Variants in COG6 observed in about 807,000 individuals in gnomAD.
COG6 encodes the protein component of oligomeric golgi complex 6.
In COG6, 74 loss-of-function variants were observed where a neutral mutation model predicts 88.8. That is an observed-to-expected ratio of 0.83 (90% CI 0.69 to 1.01). The LOEUF (loss-of-function observed/expected upper bound fraction) is 1.01. COG6 is among the 50% of genes least tolerant of loss of function. COG6 has a pLI of 0.00. For synonymous variants in COG6, 286 were observed against 278.7 expected (o/e 1.03, Z -0.26); for missense variants, 800 against 797.9 (o/e 1.00, Z -0.03).
chr13:39,775,683 A>C (rs1158845280), intron 18 of COG6, among the ~76,000 whole-genome samples: 1 of 152,214 alleles, frequency 6.6e-6, no homozygotes, highest in East Asian at 1.9e-4. Flanking sequence ...ATTTTAATAC[A>C]ATACCGAAAC....
At position 39,659,507 on chromosome 13, in the gene COG6, G is replaced by C; in HGVS notation, c.297G>C (p.Glu99Asp). The change falls in exon 2 of 19, where the codon GAG (glutamate) becomes GAC (aspartate). Residue 99 changes from glutamate to aspartate, a missense_variant and splice_region_variant. Transcript: ENST00000455146. ...TAAGCATTTTCAAGGAAGTGAAGGA[G>C]GTATGTAAACTCTTTTCATTTAGCA... ...EFVSIFKEVK[E>D]ELESISEDVQ... The C allele has an allele frequency of 6.2e-7, 1 of 1,612,054 alleles. No individual in the cohort carries two copies. The highest frequency in any genetic ancestry group is 8.5e-7 in the Non-Finnish European group (1 of 1,178,836).
intron 4 of COG6, among the ~76,000 whole-genome samples, chr13:39,675,603 G>A (rs1425508425): frequency 6.6e-6 from 1 of 152,000 alleles, no homozygotes; most frequent in Non-Finnish European, 1.5e-5. Flanking sequence ...TTTATCTCAT[G>A]ATTGATTTTT....
At chr13:39,776,586 T>C (rs774784840) in intron 18 of COG6, among the ~76,000 whole-genome samples, 5 of 152,218 alleles carry the variant, frequency 3.3e-5, no homozygotes, top group Admixed American at 2.0e-4. Context: ...TGGGAAAAGA[T>C]GTAACAAATG....
intron 4 of COG6, among the ~76,000 whole-genome samples, chr13:39,672,440 A>C (rs1875706790): frequency 6.6e-6 from 1 of 152,000 alleles, no homozygotes; most frequent in Admixed American, 6.6e-5. Context: ...AGCCTTAGTG[A>C]ACCATTAACC....
chr13:39,681,218 T>G (rs1593420889), intron 7 of COG6, among the ~76,000 whole-genome samples: 1 of 152,360 alleles, frequency 6.6e-6, no homozygotes, highest in East Asian at 1.9e-4. Context: ...TCCTGTACTA[T>G]GCTGCGCAAA....
intron 18 of COG6, among the ~76,000 whole-genome samples, chr13:39,747,965 ATTTTATACTTT>A (rs1016204099): frequency 6.6e-6 from 1 of 152,096 alleles, no homozygotes; most frequent in Non-Finnish European, 1.5e-5. Flanking sequence ...CATTATTCTT[ATTTTATACTTT>A]TTATGAGAAG....
rs1292534396 is a variant in COG6 at position 39,719,778 on chromosome 13, T to G, written c.1535T>G (p.Leu512Ter). 1.3e-5 allele frequency: 21 copies of G among 1,612,580 alleles called. No homozygotes were observed. The highest frequency in any genetic ancestry group is 1.7e-5 in the Non-Finnish European group (20 of 1,179,042). The change falls in exon 15 of 19, where the codon TTA becomes TGA. Residue 512 changes from leucine (L) to a stop codon, truncating the protein, a stop_gained. Coordinates refer to ENST00000455146, the MANE Select transcript of COG6 (RefSeq NM_020751.3). LOFTEE classifies it high-confidence loss of function. ...TCACTATATATGATGAAGACAACAT[T>G]AGCTCTATTTGAATTCACTGACAGA... Reference protein sequence around the residue: ...VNSLYMMKTTLALFEFTDRRL... With the variant: ...VNSLYMMKTT
rs148613603 is a variant in COG6 at position 39,674,536 on chromosome 13, G to T, written c.429-2932G>T. Among the ~76,000 whole-genome samples the T allele has an allele frequency of 2.1e-3, 317 of 152,190 alleles. 9 individuals carry two copies. In the East Asian group the frequency reaches 0.043, roughly 21 times the overall value. ...TATTTTAAATACTTAGGCAGTATAC[G>T]ACTGGACATACTGAAAATTGATGTA... On this transcript the variant is annotated intron_variant, in intron 4 of 18. Transcript: ENST00000455146.
At chr13:39,728,586 T>G (rs925891787) in intron 18 of COG6, among the ~76,000 whole-genome samples, 11 of 152,118 alleles carry the variant, frequency 7.2e-5, no homozygotes, top group Non-Finnish European at 1.2e-4. Context: ...CTAAAAGATA[T>G]TATACTATTT....
chr13:39,751,227 ATTTTTTT>A lies in COG6; in HGVS notation c.*141_*147del. The stretch of plus-strand genomic sequence containing the variant: ...TATCATAAGATTGTAAGTCCCGATA[ATTTTTTT>A]TTTTTTGGTCTCAGTAACAGGGAAG... On this transcript the variant is annotated 3_prime_UTR_variant, in exon 19 of 19. Coordinates refer to ENST00000455146, the MANE Select transcript of COG6 (RefSeq NM_020751.3). 1 of 1,232,212 alleles carries A rather than the reference ATTTTTTT, an allele frequency of 8.1e-7. No individual in the cohort carries two copies. 76.3% of individuals were successfully genotyped at this position (1,232,212 alleles called of 1,614,324 possible).
rs369634033 is a variant in COG6, at chr13:39,660,280, C to T, written c.298-530C>T. On this transcript the variant is annotated intron_variant, in intron 2 of 18. Coordinates refer to ENST00000455146, the MANE Select transcript of COG6 (RefSeq NM_020751.3). Reference sequence around the variant, plus strand: ...GTATGATCATAGTACACTACAGCATCGAACTCCTGGGCTCACGCAATTCTC... The same window carrying T: ...GTATGATCATAGTACACTACAGCATTGAACTCCTGGGCTCACGCAATTCTC... 1.6e-4 allele frequency among the ~76,000 whole-genome samples: 25 copies of T among 152,160 alleles called. No homozygotes were observed. The East Asian group carries it at 3.5e-3, about 21-fold the overall frequency.
At chr13:39,716,659 G>A (rs1878544682) in intron 13 of COG6, among the ~76,000 whole-genome samples, 1 of 151,856 alleles carries the variant, frequency 6.6e-6, no homozygotes, top group Non-Finnish European at 1.5e-5. Context: ...ATATGTATGT[G>A]GGTATAGGGT....
At chr13:39,721,250 ATTC>A (rs894350435) in intron 15 of COG6, among the ~76,000 whole-genome samples, 2 of 152,084 alleles carry the variant, frequency 1.3e-5, no homozygotes, top group South Asian at 2.1e-4. Context: ...CATGGTAAAA[ATTC>A]TTCTTGGTCT....
chr13:39,743,351 G>A (rs192531524), intron 18 of COG6, among the ~76,000 whole-genome samples: 4 of 151,794 alleles, frequency 2.6e-5, no homozygotes, highest in East Asian at 1.9e-4. Context: ...ATTGATAGAC[G>A]GCTAGCAAGA....
At position 39,705,118 on chromosome 13, in the gene COG6, A is replaced by G. The variant is rs1353379965; in HGVS notation, c.1284+5500A>G. On this transcript the variant is annotated intron_variant, in intron 13 of 18. Transcript: ENST00000455146. ...ACACTGTAGCTTTATGAAGAAAACAATATTTATTGTAGCATGTTCTTCATT... is the reference window on the plus strand; with the variant it reads ...ACACTGTAGCTTTATGAAGAAAACAGTATTTATTGTAGCATGTTCTTCATT... Among the ~76,000 whole-genome samples, 6 of 152,204 alleles carry G rather than the reference A, an allele frequency of 3.9e-5. No homozygotes were observed. The South Asian group carries it at 1.0e-3, about 26-fold the overall frequency.
intron 4 of COG6, among the ~76,000 whole-genome samples, chr13:39,675,437 A>G (rs1875910780): frequency 6.6e-6 from 1 of 152,180 alleles, no homozygotes; most frequent in Admixed American, 6.6e-5. Flanking sequence ...GTAAAACTAG[A>G]GTAATATGAT....
intron 13 of COG6, among the ~76,000 whole-genome samples, chr13:39,708,228 T>TA (rs1332224481): frequency 6.6e-6 from 1 of 152,220 alleles, no homozygotes; most frequent in Admixed American, 6.5e-5. Flanking sequence ...ACTGGGTTGT[T>TA]ACCTTTTTCT....
At chr13:39,758,575 T>C (rs1002913301) in intron 18 of COG6, among the ~76,000 whole-genome samples, 2 of 152,102 alleles carry the variant, frequency 1.3e-5, no homozygotes, top group African/African-American at 2.4e-5. Flanking sequence ...GGCTATAATG[T>C]TAGTAATTTT....
chr13:39,693,087 A>G (rs1318673800), intron 11 of COG6, among the ~76,000 whole-genome samples: 3 of 151,898 alleles, frequency 2.0e-5, no homozygotes, highest in Non-Finnish European at 4.4e-5. Context: ...TATAGCTCTC[A>G]TAAGACAGAG....
Sources: allele counts gnomAD v4.1 joint callset (sites outside exome capture counted in the v4.1 genomes callset), GRCh38; gene constraint gnomAD v4.1.1; transcripts MANE v1.5; gene names NCBI Gene and HGNC (gene_info 2026-07-23, HGNC 2026-07-21).